The following LSAMP variants were observed in gnomAD, a reference collection of about 807,000 sequenced individuals.
LSAMP encodes limbic system associated membrane protein.
LSAMP carries 7 observed loss-of-function variants against 38.6 expected under a neutral mutation model. The observed-to-expected ratio is 0.18, with a 90% confidence interval of 0.10 to 0.34. LSAMP has a LOEUF of 0.34. Ranked by LOEUF, LSAMP falls within the 10% of genes least tolerant of loss-of-function variation. The probability of loss-of-function intolerance (pLI) is 1.00; values close to 1 mark genes in which losing one functional copy is unlikely to be tolerated. For synonymous variants in LSAMP, 154 were observed against 166.8 expected (o/e 0.92, Z 0.59); for missense variants, 313 against 420.0 (o/e 0.75, Z 2.23).
intron 1 of LSAMP, among the ~76,000 whole-genome samples, chr3:116,269,193 T>TAATA (rs1193941787): frequency 1.3e-5 from 2 of 152,126 alleles, no homozygotes; most frequent in East Asian, 1.9e-4. Context: ...TGAAAGAATT[T>TAATA]AATAGCAAGT....
chr3:116,279,435 C>T (rs899705473), intron 1 of LSAMP, among the ~76,000 whole-genome samples: 4 of 152,220 alleles, frequency 2.6e-5, no homozygotes, highest in Non-Finnish European at 5.9e-5. Flanking sequence ...ATAAACATCA[C>T]ATCTTCAATA....
chr3:116,380,148 G>GT (rs1355353345), intron 1 of LSAMP, among the ~76,000 whole-genome samples: 2 of 151,694 alleles, frequency 1.3e-5, no homozygotes, highest in Non-Finnish European at 2.9e-5. Context: ...TTTCCCATTG[G>GT]TAAAAAAGGA....
chr3:115,997,249 G>A (rs1264730070), intron 3 of LSAMP, among the ~76,000 whole-genome samples: 2 of 152,028 alleles, frequency 1.3e-5, no homozygotes, highest in African/African-American at 4.8e-5. Context: ...ATATGCCCTG[G>A]TCACCCTTCT....
At chr3:116,024,290 GA>G (rs1054057824) in intron 2 of LSAMP, among the ~76,000 whole-genome samples, 3 of 152,060 alleles carry the variant, frequency 2.0e-5, no homozygotes, top group Non-Finnish European at 2.9e-5. Flanking sequence ...AAAAGTGCTT[GA>G]AAAAAATTCA....
At chr3:116,424,481 T>C (rs1330560377) in intron 1 of LSAMP, among the ~76,000 whole-genome samples, 1 of 152,174 alleles carries the variant, frequency 6.6e-6, no homozygotes, top group East Asian at 1.9e-4. Context: ...AAGGAAGCTC[T>C]TACTAATGAA....
intron 1 of LSAMP, among the ~76,000 whole-genome samples, chr3:116,188,639 A>C (rs1367777509): frequency 1.3e-5 from 2 of 152,170 alleles, no homozygotes; most frequent in Non-Finnish European, 2.9e-5. Context: ...TAACCTAATG[A>C]TATATTATGA....
chr3:115,958,064 T>C (rs1938507475), intron 3 of LSAMP, among the ~76,000 whole-genome samples: 1 of 152,134 alleles, frequency 6.6e-6, no homozygotes, highest in Non-Finnish European at 1.5e-5. Flanking sequence ...TAGATGAGCA[T>C]ACTTACATTA....
intron 1 of LSAMP, among the ~76,000 whole-genome samples, chr3:116,217,283 C>T (rs1254065485): frequency 2.6e-5 from 4 of 152,142 alleles, no homozygotes; most frequent in Admixed American, 1.3e-4. Context: ...TGCTTGAAAA[C>T]GCAAAAGCTA....
chr3:115,870,629 C>A (rs868292939), intron 3 of LSAMP, among the ~76,000 whole-genome samples: 1 of 152,166 alleles, frequency 6.6e-6, no homozygotes. Flanking sequence ...TTTTGATGTA[C>A]ACACTCACTG....
At chr3:116,403,122 T>C (rs2048858971) in intron 1 of LSAMP, among the ~76,000 whole-genome samples, 1 of 152,224 alleles carries the variant, frequency 6.6e-6, no homozygotes, top group Non-Finnish European at 1.5e-5. Flanking sequence ...AGTCATAAAA[T>C]AATTGATTGC....
rs9835051 is a variant in LSAMP, at chr3:116,198,562, G to A, written c.156-112006C>T. 9.4e-3 allele frequency among the ~76,000 whole-genome samples: 1,427 copies of A among 151,986 alleles called. 19 individuals are homozygous for A. Among genetic ancestry groups the A allele is most frequent in the African/African-American group, 0.032 (1,347 of 41,450 alleles). ...AGGCTGGCGGATCACGAGGCCAGGA[G>A]ATCGAGACCATCCCGGCTAACACAG... On this transcript the variant is annotated intron_variant, in intron 1 of 6. Transcript: ENST00000490035.
intron 3 of LSAMP, among the ~76,000 whole-genome samples, chr3:115,887,578 T>C (rs1936487846): frequency 6.6e-6 from 1 of 151,936 alleles, no homozygotes. Flanking sequence ...TTAATTACAT[T>C]TAACCTGTTT....
chr3:116,372,240 A>G (rs529476704), intron 1 of LSAMP, among the ~76,000 whole-genome samples: 2 of 152,178 alleles, frequency 1.3e-5, no homozygotes, highest in Admixed American at 1.3e-4. Context: ...AATGGAATAA[A>G]ATACAGAGCC....
In LSAMP at chr3:115,896,135, T is replaced by C. The variant is rs138188262; in HGVS notation, c.515-43518A>G. On this transcript the variant is annotated intron_variant, in intron 3 of 6. Transcript: ENST00000490035. ...TATGTTTTCTCCCCAGTCAAGCTATTAACTGTTATTCTTTCTCCTTTCTAA... is the reference window on the plus strand; with the variant it reads ...TATGTTTTCTCCCCAGTCAAGCTATCAACTGTTATTCTTTCTCCTTTCTAA... Among the ~76,000 whole-genome samples the C allele has an allele frequency of 4.9e-3, 748 of 152,224 alleles. 10 individuals are homozygous for C. The highest frequency in any genetic ancestry group is 0.018 in the African/African-American group (729 of 41,566).
chr3:115,845,823 A>G (rs762017678), intron 4 of LSAMP, among the ~76,000 whole-genome samples: 7 of 152,262 alleles, frequency 4.6e-5, no homozygotes, highest in Non-Finnish European at 1.0e-4. Context: ...AGCCCCTCAG[A>G]GACCCCAGCA....
intron 1 of LSAMP, among the ~76,000 whole-genome samples, chr3:116,354,262 C>T (rs1239743498): frequency 2.6e-5 from 4 of 152,120 alleles, no homozygotes; most frequent in African/African-American, 4.8e-5. Flanking sequence ...AATCAAAATC[C>T]AAAGCAGGTA....
intron 6 of LSAMP, among the ~76,000 whole-genome samples, chr3:115,839,262 T>TTTCCTTCCTTCCTTCA (rs1934909452): frequency 6.4e-5 from 5 of 78,630 alleles, no homozygotes; most frequent in African/African-American, 2.8e-4. Flanking sequence ...TCCTTCTTTC[T>TTTCCTTCCTTCCTTCA]TTCCTTCCTT....
chr3:115,847,325 TTGTC>T (rs1179528476), intron 4 of LSAMP, among the ~76,000 whole-genome samples: 2 of 152,204 alleles, frequency 1.3e-5, no homozygotes, highest in Non-Finnish European at 2.9e-5. Flanking sequence ...AAGAAACACA[TTGTC>T]TGTATAGAAT....
At chr3:115,896,209 A>G (rs1211240811) in intron 3 of LSAMP, among the ~76,000 whole-genome samples, 1 of 152,156 alleles carries the variant, frequency 6.6e-6, no homozygotes, top group East Asian at 1.9e-4. Flanking sequence ...ATAAGACAGC[A>G]AGGAAATAAA....
Sources: gnomAD v4.1 joint callset for allele counts (sites outside exome capture counted in the v4.1 genomes callset) on GRCh38, gnomAD v4.1.1 for gene constraint, MANE v1.5 for transcripts, NCBI Gene and HGNC (gene_info 2026-07-23, HGNC 2026-07-21) for gene names.